The following CDH12 variants were observed in gnomAD, a reference collection of about 807,000 sequenced individuals.
The protein encoded by CDH12 is cadherin-12.
Under a neutral mutation model 74.1 loss-of-function variants are expected in CDH12, and 41 were observed. The ratio of observed to expected loss-of-function variants is 0.55; its 90% CI spans 0.43 to 0.72. The LOEUF (loss-of-function observed/expected upper bound fraction) is 0.72. CDH12 is among the 30% of genes least tolerant of loss of function. The probability of loss-of-function intolerance (pLI) is 0.00; values close to 1 mark genes in which losing one functional copy is unlikely to be tolerated. For synonymous variants in CDH12, 399 were observed against 355.0 expected, an observed-to-expected ratio of 1.12 and a Z score of -1.39; for missense variants, 945 against 977.2, an observed-to-expected ratio of 0.97 and a Z score of 0.44.
At chr5:22,514,117 G>A (rs1404501890) in intron 1 of CDH12, among the ~76,000 whole-genome samples, 1 of 151,712 alleles carries the variant, frequency 6.6e-6, no homozygotes, top group African/African-American at 2.4e-5. Flanking sequence ...TAGAGACTAT[G>A]GGTCAAATGA....
intron 6 of CDH12, among the ~76,000 whole-genome samples, chr5:21,947,662 C>G (rs562132287): frequency 6.6e-6 from 1 of 152,204 alleles, no homozygotes; most frequent in African/African-American, 2.4e-5. Context: ...ACCCATTTTT[C>G]AGGGGAGGAA....
At chr5:22,427,077 T>A (rs1743970007) in intron 2 of CDH12, among the ~76,000 whole-genome samples, 1 of 152,186 alleles carries the variant, frequency 6.6e-6, no homozygotes, top group Admixed American at 6.5e-5. Flanking sequence ...CCTCCTCTTC[T>A]TTCCTCTTTT....
intron 1 of CDH12, among the ~76,000 whole-genome samples, chr5:22,709,954 T>C (rs1170578356): frequency 2.0e-5 from 3 of 152,174 alleles, no homozygotes; most frequent in Non-Finnish European, 2.9e-5. Flanking sequence ...AGTAGGAACA[T>C]GGTGTAGGTG....
intron 2 of CDH12, among the ~76,000 whole-genome samples, chr5:22,435,300 G>T (rs1744332569): frequency 1.3e-5 from 2 of 151,940 alleles, no homozygotes. Flanking sequence ...CTTCAGCTTT[G>T]GGACTTGGAC....
intron 1 of CDH12, among the ~76,000 whole-genome samples, chr5:22,696,186 A>C (rs1328653957): frequency 6.6e-6 from 1 of 151,822 alleles, no homozygotes; most frequent in East Asian, 1.9e-4. Context: ...GGCTAACACA[A>C]TGAAACCCAC....
At chr5:21,851,068 AC>A (rs914889725) in intron 7 of CDH12, among the ~76,000 whole-genome samples, 3 of 151,228 alleles carry the variant, frequency 2.0e-5, no homozygotes, top group East Asian at 1.9e-4. Flanking sequence ...TAGGAAAAAA[AC>A]AATTTCATAG....
intron 1 of CDH12, among the ~76,000 whole-genome samples, chr5:22,647,275 A>G (rs1464226924): frequency 6.6e-6 from 1 of 151,834 alleles, no homozygotes; most frequent in Non-Finnish European, 1.5e-5. Context: ...TAGGTAGGTA[A>G]GGACTGGCTC....
intron 2 of CDH12, among the ~76,000 whole-genome samples, chr5:22,439,410 G>T (rs1744532678): frequency 6.6e-6 from 1 of 151,990 alleles, no homozygotes; most frequent in African/African-American, 2.4e-5. Flanking sequence ...AGGAAACAAT[G>T]ACCCATAAAT....
In CDH12 at chr5:22,402,548, T is replaced by C. The variant is rs1742771651; in HGVS notation, c.-333+2709A>G. On this transcript the variant is annotated intron_variant, in intron 3 of 14. Coordinates refer to ENST00000382254, the MANE Select transcript of CDH12 (RefSeq NM_004061.5). ...TTCAAGTGAGGTGTTGAGGGTGAAG[T>C]ATGGTTTTTCCTTGTTCCTTATAGT... Among the ~76,000 whole-genome samples the C allele has an allele frequency of 2.0e-5, 3 of 152,170 alleles. No homozygotes were observed. In the South Asian group the frequency reaches 6.2e-4, roughly 32 times the overall value.
intron 4 of CDH12, among the ~76,000 whole-genome samples, chr5:22,100,650 T>TAG (rs1282370338): frequency 1.4e-4 from 6 of 43,954 alleles, no homozygotes; most frequent in Non-Finnish European, 2.2e-4. Flanking sequence ...TGCCATACAT[T>TAG]AGACACACAC....
chr5:22,170,182 C>T (rs374322093), intron 4 of CDH12, among the ~76,000 whole-genome samples: 3 of 151,764 alleles, frequency 2.0e-5, no homozygotes, highest in South Asian at 2.1e-4. Flanking sequence ...GGAGGGGGAA[C>T]GATAATAGCC....
chr5:22,752,574 CTTTTTTTTTTTT>C (rs1312937004), intron 1 of CDH12, among the ~76,000 whole-genome samples: 12 of 26,930 alleles, frequency 4.5e-4, no homozygotes, highest in African/African-American at 1.4e-3. Context: ...TTTTTTTTTT[CTTTTTTTTTTTT>C]TTTGAGACGG....
At chr5:22,792,503 T>C (rs1489588455) in intron 1 of CDH12, among the ~76,000 whole-genome samples, 1 of 152,210 alleles carries the variant, frequency 6.6e-6, no homozygotes, top group African/African-American at 2.4e-5. Context: ...TTTGTTGCAG[T>C]TTGTTTTCCA....
intron 3 of CDH12, among the ~76,000 whole-genome samples, chr5:22,330,094 CCTT>C (rs1169077787): frequency 1.3e-5 from 2 of 152,280 alleles, no homozygotes; most frequent in Non-Finnish European, 2.9e-5. Flanking sequence ...GAGACTGACT[CCTT>C]CTTTCTGCTT....
At chr5:22,496,060 A>G (rs1747095450) in intron 2 of CDH12, among the ~76,000 whole-genome samples, 1 of 152,192 alleles carries the variant, frequency 6.6e-6, no homozygotes, top group African/African-American at 2.4e-5. Context: ...TCTTGGACCA[A>G]TATTATTTCA....
intron 1 of CDH12, among the ~76,000 whole-genome samples, chr5:22,734,773 G>T (rs766559673): frequency 6.6e-6 from 1 of 151,852 alleles, no homozygotes; most frequent in Non-Finnish European, 1.5e-5. Context: ...CTTAGTAGCA[G>T]TATTCACAAG....
chr5:22,319,046 A>G (rs920299022), intron 3 of CDH12, among the ~76,000 whole-genome samples: 4 of 152,212 alleles, frequency 2.6e-5, no homozygotes, highest in African/African-American at 9.6e-5. Context: ...TTTCAAGGGC[A>G]AGCTGAAATT....
intron 5 of CDH12, among the ~76,000 whole-genome samples, chr5:21,987,896 A>G (rs1171527056): frequency 6.6e-6 from 1 of 151,984 alleles, no homozygotes; most frequent in Non-Finnish European, 1.5e-5. Context: ...CTTTTCTCCC[A>G]GTTGATCTTG....
At chr5:22,302,752 G>T (rs1362360659) in intron 3 of CDH12, among the ~76,000 whole-genome samples, 2 of 152,164 alleles carry the variant, frequency 1.3e-5, no homozygotes, top group East Asian at 1.9e-4. Flanking sequence ...TTTGGAAAAA[G>T]AGTAAAATGA....
Sources: allele counts gnomAD v4.1 joint callset (sites outside exome capture counted in the v4.1 genomes callset), GRCh38; gene constraint gnomAD v4.1.1; transcripts MANE v1.5; gene names NCBI Gene and HGNC (gene_info 2026-07-23, HGNC 2026-07-21).